The following PHACTR1 variants were observed in gnomAD, a reference collection of about 807,000 sequenced individuals.
PHACTR1 encodes the protein phosphatase and actin regulator 1.
Under a neutral mutation model 69.2 loss-of-function variants are expected in PHACTR1, and 16 were observed. That is an observed-to-expected ratio of 0.23 (90% CI 0.16 to 0.35). PHACTR1 has a LOEUF of 0.35. Ranked by LOEUF, PHACTR1 falls within the 10% of genes least tolerant of loss-of-function variation. PHACTR1 has a pLI of 1.00. For synonymous variants in PHACTR1, 312 were observed against 284.5 expected, an observed-to-expected ratio of 1.10 and a Z score of -0.97; for missense variants, 510 against 734.7, an observed-to-expected ratio of 0.69 and a Z score of 3.54.
chr6:12,803,542 T>G (rs1220827602), intron 4 of PHACTR1, among the ~76,000 whole-genome samples: 1 of 152,232 alleles, frequency 6.6e-6, no homozygotes, highest in Non-Finnish European at 1.5e-5. Flanking sequence ...CTTCTTGCAC[T>G]CTTAGAGTGT....
At chr6:12,934,665 G>A (rs146549850) in intron 4 of PHACTR1, among the ~76,000 whole-genome samples, 15 of 152,052 alleles carry the variant, frequency 9.9e-5, no homozygotes, top group East Asian at 3.9e-4. Context: ...GTGAAACCCC[G>A]TCTCTAATAA....
intron 7 of PHACTR1, among the ~76,000 whole-genome samples, chr6:13,188,129 T>A (rs933436415): frequency 1.3e-5 from 2 of 152,158 alleles, no homozygotes; most frequent in African/African-American, 4.8e-5. Context: ...TTGGATCAAA[T>A]GAATAAAAAT....
chr6:13,137,037 C>G (rs923569713), intron 5 of PHACTR1, among the ~76,000 whole-genome samples: 1 of 152,130 alleles, frequency 6.6e-6, no homozygotes, highest in African/African-American at 2.4e-5. Flanking sequence ...CAAATGGTGC[C>G]GATAGACTTG....
intron 4 of PHACTR1, among the ~76,000 whole-genome samples, chr6:12,889,151 T>G: frequency 6.6e-6 from 1 of 152,108 alleles, no homozygotes; most frequent in South Asian, 2.1e-4. Context: ...GCTTGAGCCT[T>G]GGGAGGCTGA....
At position 13,248,209 on chromosome 6, in the gene PHACTR1, G is replaced by A. The variant is rs373346414; in HGVS notation, c.1391+18016G>A. ...ACAGAGCCATCTGGGGCCACAGCCT[G>A]TGAAATCTGATTCTCTTCCCACAGT... On this transcript the variant is annotated intron_variant, in intron 10 of 14. Transcript: ENST00000332995. Among the ~76,000 whole-genome samples the A allele has an allele frequency of 9.2e-5, 14 of 152,312 alleles. No individual in the cohort carries two copies. The East Asian group carries it at 1.4e-3, about 15-fold the overall frequency.
intron 5 of PHACTR1, among the ~76,000 whole-genome samples, chr6:13,087,846 C>T (rs1035254944): frequency 1.3e-5 from 2 of 151,822 alleles, no homozygotes; most frequent in Non-Finnish European, 2.9e-5. Flanking sequence ...GGGATTTCAC[C>T]GTGCTGCCCG....
chr6:13,002,816 C>T (rs745977724), intron 4 of PHACTR1, among the ~76,000 whole-genome samples: 42 of 152,134 alleles, frequency 2.8e-4, no homozygotes, highest in Non-Finnish European at 5.4e-4. Flanking sequence ...AATGTATTAA[C>T]AGAAAAGCTT....
At chr6:12,859,074 G>A (rs1022956470) in intron 4 of PHACTR1, among the ~76,000 whole-genome samples, 3 of 152,276 alleles carry the variant, frequency 2.0e-5, no homozygotes. Context: ...AACCTGTGGT[G>A]TTGGACCCTA....
chr6:12,829,721 G>A (rs1473526129), intron 4 of PHACTR1, among the ~76,000 whole-genome samples: 6 of 151,744 alleles, frequency 4.0e-5, no homozygotes, highest in African/African-American at 1.5e-4. Context: ...TTGGGAGGCC[G>A]AGATGGGAGG....
intron 4 of PHACTR1, among the ~76,000 whole-genome samples, chr6:12,973,004 G>C (rs901217616): frequency 1.3e-5 from 2 of 152,016 alleles, no homozygotes; most frequent in African/African-American, 2.4e-5. Flanking sequence ...CTCTGACTTT[G>C]GGCCTCTTGC....
intron 4 of PHACTR1, among the ~76,000 whole-genome samples, chr6:12,967,443 A>G (rs1359366880): frequency 6.6e-6 from 1 of 152,270 alleles, no homozygotes; most frequent in Non-Finnish European, 1.5e-5. Flanking sequence ...GGGAGTCTCT[A>G]TTCTTTGAAA....
chr6:12,737,042 A>T (rs2127579693), intron 3 of PHACTR1, among the ~76,000 whole-genome samples: 1 of 152,192 alleles, frequency 6.6e-6, no homozygotes, highest in South Asian at 2.1e-4. Context: ...ATATATACAC[A>T]CACATTCACA....
intron 4 of PHACTR1, among the ~76,000 whole-genome samples, chr6:13,002,856 T>A (rs1798261680): frequency 6.6e-6 from 1 of 152,220 alleles, no homozygotes; most frequent in African/African-American, 2.4e-5. Flanking sequence ...TCACATGCAT[T>A]AATGCCCTGA....
chr6:12,856,410 C>T (rs941199832), intron 4 of PHACTR1, among the ~76,000 whole-genome samples: 5 of 151,932 alleles, frequency 3.3e-5, no homozygotes, highest in African/African-American at 9.7e-5. Flanking sequence ...CCCGCCACCA[C>T]GCCAGGGTAA....
chr6:12,818,095 T>C (rs1439696176), intron 4 of PHACTR1, among the ~76,000 whole-genome samples: 1 of 152,230 alleles, frequency 6.6e-6, no homozygotes, highest in Non-Finnish European at 1.5e-5. Flanking sequence ...AGTGCTGGGA[T>C]TACAGGTGTG....
At chr6:12,803,781 T>G (rs1773976316) in intron 4 of PHACTR1, among the ~76,000 whole-genome samples, 1 of 152,178 alleles carries the variant, frequency 6.6e-6, no homozygotes, top group African/African-American at 2.4e-5. Context: ...ATCTCTGGCC[T>G]CTACAGACCA....
intron 4 of PHACTR1, among the ~76,000 whole-genome samples, chr6:13,003,944 AG>A (rs1798402547): frequency 3.7e-5 from 3 of 81,174 alleles, no homozygotes; most frequent in Admixed American, 2.1e-4. Flanking sequence ...ATGGCTCAGT[AG>A]TATTCCTATA....
At chr6:12,841,184 C>G (rs1300327011) in intron 4 of PHACTR1, among the ~76,000 whole-genome samples, 1 of 152,172 alleles carries the variant, frequency 6.6e-6, no homozygotes, top group Non-Finnish European at 1.5e-5. Context: ...GATAAGAAAA[C>G]TGAGATTTGG....
chr6:12,768,445 AAC>A (rs1768948724), intron 4 of PHACTR1, among the ~76,000 whole-genome samples: 1 of 152,180 alleles, frequency 6.6e-6, no homozygotes, highest in Non-Finnish European at 1.5e-5. Flanking sequence ...TCCTGGAAGA[AAC>A]AGTTATCACC....
Sources: gnomAD v4.1 joint callset for allele counts (sites outside exome capture counted in the v4.1 genomes callset) on GRCh38, gnomAD v4.1.1 for gene constraint, MANE v1.5 for transcripts, NCBI Gene and HGNC (gene_info 2026-07-23, HGNC 2026-07-21) for gene names.